The following ZNF267 variants were observed in gnomAD, a reference collection of about 807,000 sequenced individuals.
ZNF267 encodes the protein zinc finger (C2H2).
A neutral mutation model predicts 71.6 loss-of-function variants in ZNF267; 61 were observed. That is an observed-to-expected ratio of 0.85 (90% CI 0.69 to 1.05). The LOEUF (loss-of-function observed/expected upper bound fraction) is 1.05, where lower values mean the gene tolerates loss of function less well. ZNF267 is among the 50% of genes least tolerant of loss of function. The pLI, the probability that ZNF267 is intolerant of heterozygous loss-of-function variation, is 0.00. For missense variants in ZNF267, 852 were observed against 870.0 expected, an observed-to-expected ratio of 0.98 and a Z score of 0.26; for synonymous variants, 288 against 293.2, an observed-to-expected ratio of 0.98 and a Z score of 0.18.
chr16:31,884,738 G>GA, intron 2 of ZNF267, 114 bp downstream of exon 2: 4 of 1,125,426 alleles, frequency 3.6e-6, no homozygotes, highest in East Asian at 2.6e-5. Context: ...TTGTTTTCAG[G>GA]AAAAAAATAG....
chr16:31,916,019 T>G lies in ZNF267; in HGVS notation c.1770T>G (p.Gly590=). The G allele has an allele frequency of 6.2e-7, 1 of 1,612,642 alleles. No individual in the cohort carries two copies. Among genetic ancestry groups the G allele is most frequent in the Non-Finnish European group, 8.5e-7 (1 of 1,178,982 alleles). Residue 590 remains glycine (G), a synonymous_variant, in exon 4 of 4, where the codon GGT becomes GGG. Coordinates refer to ENST00000300870, the MANE Select transcript of ZNF267 (RefSeq NM_003414.6). ...GCAAATCTTTTAGTGACTCCTCAGG[T>G]CTTACTGTGCATCGGCGAACTCATA... The part of the protein sequence containing the change: ...ACSKSFSDSS[G]LTVHRRTHTG...
intron 3 of ZNF267, among the ~76,000 whole-genome samples, chr16:31,897,913 T>C (rs2084011786): frequency 6.6e-6 from 1 of 152,182 alleles, no homozygotes; most frequent in Non-Finnish European, 1.5e-5. Context: ...ATGTACCATA[T>C]GTGATTAAAG....
chr16:31,887,486 G>T (rs188737770), intron 3 of ZNF267, among the ~76,000 whole-genome samples: 11 of 152,104 alleles, frequency 7.2e-5, no homozygotes, highest in African/African-American at 2.7e-4. Context: ...GTGTCAAAGA[G>T]ATTTTTCCTT....
At chr16:31,874,287 G>A (rs1313756791) in intron 1 of ZNF267, 1 of 318,800 alleles carries the variant, frequency 3.1e-6, no homozygotes, top group Admixed American at 4.8e-5. Context: ...GCGTCTCAGG[G>A]GAGACCCAGG....
intron 3 of ZNF267, among the ~76,000 whole-genome samples, chr16:31,904,513 T>C (rs1008041796): frequency 2.0e-5 from 3 of 152,258 alleles, no homozygotes; most frequent in Non-Finnish European, 4.4e-5. Flanking sequence ...GCTCTTCTTG[T>C]TGAATTGATC....
intron 3 of ZNF267, among the ~76,000 whole-genome samples, chr16:31,911,607 C>G (rs1181053006): frequency 6.6e-6 from 1 of 151,098 alleles, no homozygotes; most frequent in African/African-American, 2.4e-5. Context: ...CTTCCTTTTT[C>G]TTTTTTTCAC....
intron 3 of ZNF267, among the ~76,000 whole-genome samples, chr16:31,891,690 G>A (rs1480729335): frequency 2.0e-5 from 3 of 152,128 alleles, no homozygotes; most frequent in Non-Finnish European, 4.4e-5. Context: ...CATGTGAGAT[G>A]TGCCTTTCAC....
intron 1 of ZNF267, among the ~76,000 whole-genome samples, chr16:31,875,985 T>G (rs2142326730): frequency 6.6e-6 from 1 of 152,322 alleles, no homozygotes; most frequent in Middle Eastern, 3.4e-3. Context: ...GGGAGTAATT[T>G]AAAACAGAAT....
At chr16:31,909,835 T>C (rs576549051) in intron 3 of ZNF267, among the ~76,000 whole-genome samples, 1 of 152,336 alleles carries the variant, frequency 6.6e-6, no homozygotes, top group East Asian at 1.9e-4. Flanking sequence ...CTTGTTATGT[T>C]CCAGATCTTA....
At chr16:31,881,947 T>A (rs1163236994) in intron 1 of ZNF267, among the ~76,000 whole-genome samples, 1 of 152,212 alleles carries the variant, frequency 6.6e-6, no homozygotes. Context: ...ATTACAGGCG[T>A]GAGCCACCGT....
chr16:31,909,223 C>G (rs1455227854), intron 3 of ZNF267, among the ~76,000 whole-genome samples: 1 of 151,056 alleles, frequency 6.6e-6, no homozygotes, highest in African/African-American at 2.4e-5. Flanking sequence ...CCTCCGCCTC[C>G]CGGGTTCAAG....
chr16:31,887,324 A>G (rs1243186334), intron 3 of ZNF267, among the ~76,000 whole-genome samples: 5 of 145,650 alleles, frequency 3.4e-5, no homozygotes. Flanking sequence ...TATCAGATCT[A>G]TTTTCTCCCA....
At chr16:31,911,047 A>G (rs959526243) in intron 3 of ZNF267, among the ~76,000 whole-genome samples, 3 of 151,454 alleles carry the variant, frequency 2.0e-5, no homozygotes, top group Non-Finnish European at 4.4e-5. Flanking sequence ...GTGGGCAGAG[A>G]TGTTTGATAT....
intron 3 of ZNF267, among the ~76,000 whole-genome samples, chr16:31,898,995 A>T (rs2084019532): frequency 6.6e-6 from 1 of 152,142 alleles, no homozygotes; most frequent in African/African-American, 2.4e-5. Context: ...ACTATCCTAA[A>T]TATATATACA....
chr16:31,885,709 A>G (rs1181631329), intron 3 of ZNF267, among the ~76,000 whole-genome samples: 1 of 152,168 alleles, frequency 6.6e-6, no homozygotes, highest in Non-Finnish European at 1.5e-5. Context: ...ATATTTTCTG[A>G]TACATTAATT....
intron 3 of ZNF267, among the ~76,000 whole-genome samples, chr16:31,904,633 G>A (rs2084072453): frequency 6.6e-6 from 1 of 151,938 alleles, no homozygotes; most frequent in Non-Finnish European, 1.5e-5. Context: ...TTTTCCATTT[G>A]CTTGGTAGAT....
intron 3 of ZNF267, among the ~76,000 whole-genome samples, chr16:31,906,988 A>T (rs188667013): frequency 1.4e-4 from 22 of 152,140 alleles, no homozygotes; most frequent in Admixed American, 5.9e-4. Flanking sequence ...TGTTCATAGT[A>T]GGTAGTTGTT....
chr16:31,883,229 C>T (rs2083901788), intron 1 of ZNF267, among the ~76,000 whole-genome samples: 1 of 151,390 alleles, frequency 6.6e-6, no homozygotes, highest in African/African-American at 2.4e-5. Context: ...AAAAAAAATA[C>T]CAGACTCAGA....
rs757339634 is a variant in ZNF267, at chr16:31,873,817, C to G, written c.-150C>G. 2.0e-5 allele frequency: 21 copies of G among 1,074,090 alleles called. No homozygotes were observed. In the South Asian group the frequency reaches 2.6e-4, roughly 13 times the overall value. The allele number at this position is 1,074,090 out of a possible 1,614,324, so 66.5% of individuals were successfully genotyped here. A position where few individuals can be genotyped will look rare whatever the true frequency, so the allele number is the denominator to read the frequency against. ...GCCTTCGTCGGCTCCAGTTAGAGCTCGGGTCTCCTCGCCACAGCTCCGAGT... is the reference window on the plus strand; with the variant it reads ...GCCTTCGTCGGCTCCAGTTAGAGCTGGGGTCTCCTCGCCACAGCTCCGAGT... On this transcript the variant is annotated 5_prime_UTR_variant, in exon 1 of 4. Coordinates refer to ENST00000300870, the MANE Select transcript of ZNF267 (RefSeq NM_003414.6).
Sources: gnomAD v4.1 joint callset for allele counts (sites outside exome capture counted in the v4.1 genomes callset) on GRCh38, gnomAD v4.1.1 for gene constraint, MANE v1.5 for transcripts, NCBI Gene and HGNC (gene_info 2026-07-23, HGNC 2026-07-21) for gene names.